CPD: variants seen among roughly 807,000 people sequenced by gnomAD.
The protein encoded by CPD is carboxypeptidase D.
CPD carries 69 observed loss-of-function variants against 138.3 expected under a neutral mutation model. That is an observed-to-expected ratio of 0.50 (90% confidence interval 0.41 to 0.61). The LOEUF (loss-of-function observed/expected upper bound fraction) is 0.61, where lower values mean the gene tolerates loss of function less well. CPD is among the 20% of genes least tolerant of loss of function. The pLI is 0.00. For missense variants in CPD, 1,432 were observed against 1,733.3 expected (o/e 0.83, Z 3.09); for synonymous variants, 651 against 642.1 (o/e 1.01, Z -0.21).
In CPD at chr17:30,427,385, A is replaced by G; in HGVS notation, c.1850-6A>G. 1.2e-6 allele frequency: 2 copies of G among 1,613,266 alleles called. No individual in the cohort carries two copies. The highest frequency in any genetic ancestry group is 1.7e-4 in the Middle Eastern group (1 of 6,060). On this transcript the variant is annotated splice_region_variant and splice_polypyrimidine_tract_variant and intron_variant, in intron 6 of 20. Coordinates refer to ENST00000225719, the MANE Select transcript of CPD (RefSeq NM_001304.5). ...TTATATTCAAATCCTTTATCATATC[A>G]TACAGGAGATTCAATAAGTGTAATT...
chr17:30,444,023 C>T (rs1232500239), intron 11 of CPD, 52 bp downstream of exon 11: 1 of 1,578,694 alleles, frequency 6.3e-7, no homozygotes, highest in Admixed American at 1.7e-5. Context: ...AACATGGCTC[C>T]ATTCTGGAGG....
At position 30,461,893 on chromosome 17, in the gene CPD, A is replaced by T; in HGVS notation, c.3647A>T (p.His1216Leu). ...SMLVEVHKGV[H>L]GFVKDKTGKP... ...TTTTTTCAGGTTCACAAGGGAGTTCATGGATTTGTTAAAGATAAGACTGGA... is the reference window on the plus strand; with the variant it reads ...TTTTTTCAGGTTCACAAGGGAGTTCTTGGATTTGTTAAAGATAAGACTGGA... Residue 1216 changes from histidine to leucine, a missense_variant, in exon 19 of 21, where the codon CAT becomes CTT. By Grantham distance (99) the His-to-Leu change is moderately conservative. This residue lies in a region of CPD where 366 missense variants were observed against 518.8 expected (regional missense o/e 0.71). Transcript: ENST00000225719. The T allele has an allele frequency of 6.3e-7, 1 of 1,599,594 alleles. No individual in the cohort carries two copies. The highest frequency in any genetic ancestry group is 8.5e-7 in the Non-Finnish European group (1 of 1,174,680).
At chr17:30,406,736 C>A (rs1911808298) in intron 2 of CPD, among the ~76,000 whole-genome samples, 1 of 152,142 alleles carries the variant, frequency 6.6e-6, no homozygotes, top group African/African-American at 2.4e-5. Context: ...TGCAAATTAA[C>A]ACAGCTATTA....
intron 13 of CPD, among the ~76,000 whole-genome samples, chr17:30,450,456 T>G (rs919176343): frequency 1.3e-5 from 2 of 152,250 alleles, no homozygotes; most frequent in African/African-American, 4.8e-5. Context: ...TTTTTCAGTA[T>G]AGTTTTCTTT....
At chr17:30,446,707 G>C (rs1174179588) in intron 12 of CPD, among the ~76,000 whole-genome samples, 2 of 152,102 alleles carry the variant, frequency 1.3e-5, no homozygotes, top group Non-Finnish European at 2.9e-5. Context: ...GGGATGGCTG[G>C]GTCAAATGGT....
At position 30,445,774 on chromosome 17, in the gene CPD, A is replaced by T. The variant is rs755033331; in HGVS notation, c.2627A>T (p.Asp876Val). 1.4e-5 allele frequency: 22 copies of T among 1,613,902 alleles called. No homozygotes were observed. In the South Asian group the frequency reaches 1.4e-4, roughly 10 times the overall value. The change falls in exon 12 of 21, where the codon GAT (aspartate) becomes GTT (valine). Residue 876 changes from aspartate (D) to valine (V), a missense_variant. Around this residue, in one of 6 missense-constraint regions of CPD, gnomAD observed 124 missense variants for 117.0 expected, o/e 1.06. Transcript: ENST00000225719. The stretch of plus-strand genomic sequence containing the variant: ...TTCACACTTGTTCGATCCTCAACAG[A>T]TTCAAACAATGAATCAAAGAAAGGA... The part of the protein sequence containing the change: ...VNFTLVRSST[D>V]SNNESKKGKG...
At chr17:30,392,008 C>CTTTTT (rs869193468) in intron 2 of CPD, among the ~76,000 whole-genome samples, 1 of 134,286 alleles carries the variant, frequency 7.4e-6, no homozygotes, top group Non-Finnish European at 1.6e-5. Flanking sequence ...TTTGGATAAT[C>CTTTTT]TTTTTTTTTT....
At chr17:30,427,582 A>G (rs962782146) in intron 7 of CPD, 24 bp downstream of exon 7, 1 of 1,604,610 alleles carries the variant, frequency 6.2e-7, no homozygotes, top group South Asian at 1.1e-5. Flanking sequence ...ATATTCTACT[A>G]ATCAGTTCTT....
At chr17:30,427,296 C>T (rs1912441808) in intron 6 of CPD, 95 bp from the exon 7 acceptor site, 1 of 1,091,946 alleles carries the variant, frequency 9.2e-7, no homozygotes, top group Non-Finnish European at 1.4e-6. Flanking sequence ...GATGTGTTCA[C>T]ATTTGCCTTG....
At chr17:30,414,777 T>C (rs1912062653) in intron 2 of CPD, among the ~76,000 whole-genome samples, 1 of 152,172 alleles carries the variant, frequency 6.6e-6, no homozygotes, top group Non-Finnish European at 1.5e-5. Context: ...AACTATTTAA[T>C]AGAAGAATGA....
At chr17:30,382,923 C>G (rs1911086823) in intron 1 of CPD, among the ~76,000 whole-genome samples, 4 of 152,166 alleles carry the variant, frequency 2.6e-5, no homozygotes, top group Admixed American at 2.6e-4. Flanking sequence ...CGTCATTTGG[C>G]AAATAGTTGA....
At chr17:30,434,180 C>T (rs1361310551) in intron 8 of CPD, among the ~76,000 whole-genome samples, 1 of 152,158 alleles carries the variant, frequency 6.6e-6, no homozygotes, top group Non-Finnish European at 1.5e-5. Context: ...TAACCTATCT[C>T]CCAGGGTTTT....
chr17:30,384,962 A>G (rs752355901), intron 1 of CPD, 27 bp from the exon 2 acceptor site: 1 of 1,595,226 alleles, frequency 6.3e-7, no homozygotes, highest in Admixed American at 1.8e-5. Flanking sequence ...TTTTTTAGTG[A>G]TACGTGATTT....
chr17:30,420,803 T>C (rs1254141716), intron 2 of CPD, 38 bp from the exon 3 acceptor site: 5 of 1,563,540 alleles, frequency 3.2e-6, no homozygotes, highest in Non-Finnish European at 4.4e-6. Flanking sequence ...TAGAATTATT[T>C]TCCTTCTGAG....
chr17:30,386,668 G>T (rs1003783854), intron 2 of CPD, among the ~76,000 whole-genome samples: 1 of 152,006 alleles, frequency 6.6e-6, no homozygotes, highest in Non-Finnish European at 1.5e-5. Flanking sequence ...CTGTGAATTT[G>T]CCCATTTTAG....
At position 30,445,548 on chromosome 17, in the gene CPD, T is replaced by A. The variant is rs149377336; in HGVS notation, c.2544-143T>A. The stretch of plus-strand genomic sequence containing the variant: ...TATTAATGTATTAAAAATAATAAAT[T>A]ACTCAACGTTAAAATTTTGTCTCTT... On this transcript the variant is annotated intron_variant, in intron 11 of 20. Coordinates refer to ENST00000225719, the MANE Select transcript of CPD (RefSeq NM_001304.5). 665 of 548,564 alleles carry A rather than the reference T, an allele frequency of 1.2e-3. 7 individuals carry two copies. In the East Asian group the frequency reaches 0.018, roughly 15 times the overall value. The allele number at this position is 548,564 out of a possible 1,614,324, so 34.0% of individuals were successfully genotyped here. A position where few individuals can be genotyped will look rare whatever the true frequency, so the allele number is the denominator to read the frequency against.
chr17:30,418,810 C>T (rs1912186704), intron 2 of CPD, among the ~76,000 whole-genome samples: 1 of 152,138 alleles, frequency 6.6e-6, no homozygotes, highest in Admixed American at 6.5e-5. Flanking sequence ...GATGTCATGT[C>T]ACAAGTATCC....
In CPD at chr17:30,379,224, C is replaced by G. The variant is rs1450279022; in HGVS notation, c.244C>G (p.Leu82Val). 6.5e-7 allele frequency: 1 copy of G among 1,527,338 alleles called. No homozygotes were observed. Among genetic ancestry groups the G allele is most frequent in the Non-Finnish European group, 8.8e-7 (1 of 1,142,536 alleles). The allele number at this position is 1,527,338 out of a possible 1,614,324, so 94.6% of individuals were successfully genotyped here. A position where few individuals can be genotyped will look rare whatever the true frequency, so the allele number is the denominator to read the frequency against. Residue 82 changes from leucine to valine, a missense_variant, in exon 1 of 21, where the codon CTC becomes GTC. Leu to Val is a conservative substitution (Grantham distance 32). Coordinates refer to ENST00000225719, the MANE Select transcript of CPD (RefSeq NM_001304.5). The surrounding 1 kb of genome is among the most constrained non-coding windows in gnomAD (Gnocchi z 7.0). ...AAAGLPGLARLFSIGRSVEGR... is the reference protein window; with the variant it reads ...AAAGLPGLARVFSIGRSVEGR... ...CGCGGGCCTCCCCGGCCTGGCCCGC[C>G]TCTTTAGCATCGGCCGCTCGGTGGA...
Position 30,422,923 on chromosome 17 carries a change from A to G in CPD, c.1557A>G (p.Glu519=), listed in dbSNP as rs759142681. The change falls in exon 5 of 21, where the codon GAA becomes GAG. Residue 519 remains glutamate, a synonymous_variant. Coordinates refer to ENST00000225719, the MANE Select transcript of CPD (RefSeq NM_001304.5). ...MEIFLRRFAN[E]YPNITRLYSL... ...TCTTCTTGAGAAGGTTTGCCAATGAATATCCTAACATTACCCGGCTTTATT... is the reference window on the plus strand; with the variant it reads ...TCTTCTTGAGAAGGTTTGCCAATGAGTATCCTAACATTACCCGGCTTTATT... 3 of 1,614,100 alleles carry G rather than the reference A, an allele frequency of 1.9e-6. No homozygotes were observed. Among genetic ancestry groups the G allele is most frequent in the South Asian group, 2.2e-5 (2 of 91,084 alleles).
Sources: allele counts gnomAD v4.1 joint callset (sites outside exome capture counted in the v4.1 genomes callset), GRCh38; gene constraint gnomAD v4.1.1; regional missense constraint gnomAD v4.1.1; non-coding constraint Gnocchi (gnomAD v3.1); transcripts MANE v1.5; gene names NCBI Gene and HGNC (gene_info 2026-07-23, HGNC 2026-07-21).